SEMA5A: variants seen among roughly 807,000 people sequenced by gnomAD.
The protein encoded by SEMA5A is semaphorin-5A.
Under a neutral mutation model 135.5 loss-of-function variants are expected in SEMA5A, and 55 were observed. The observed-to-expected ratio is 0.41, with a 90% CI of 0.33 to 0.51. SEMA5A has a LOEUF of 0.51. SEMA5A is among the 20% of genes least tolerant of loss of function. The pLI, the probability that SEMA5A is intolerant of heterozygous loss-of-function variation, is 0.37. For missense variants in SEMA5A, 1,290 were observed against 1,419.9 expected (o/e 0.91, Z 1.47); for synonymous variants, 580 against 546.5 (o/e 1.06, Z -0.85).
intron 1 of SEMA5A, among the ~76,000 whole-genome samples, chr5:9,527,167 T>C (rs1191438496): frequency 6.6e-6 from 1 of 151,984 alleles, no homozygotes; most frequent in Non-Finnish European, 1.5e-5. Context: ...ACTTACCAGG[T>C]CCCGAGTGTG....
chr5:9,235,840 G>T (rs552388308), intron 6 of SEMA5A, among the ~76,000 whole-genome samples: 3 of 152,292 alleles, frequency 2.0e-5, no homozygotes, highest in African/African-American at 7.2e-5. Flanking sequence ...GGAGAGCTAG[G>T]TCACTGTATT....
chr5:9,285,417 C>T (rs1247441686), intron 5 of SEMA5A, among the ~76,000 whole-genome samples: 2 of 152,128 alleles, frequency 1.3e-5, no homozygotes, highest in African/African-American at 4.8e-5. Flanking sequence ...TTTGAAAGAA[C>T]AAAAATGCCT....
At chr5:9,263,417 C>T (rs543330377) in intron 5 of SEMA5A, among the ~76,000 whole-genome samples, 1 of 152,308 alleles carries the variant, frequency 6.6e-6, no homozygotes, top group South Asian at 2.1e-4. Flanking sequence ...GTGAACTGCG[C>T]ACTGCAGTGA....
chr5:9,523,888 C>T (rs1286600943), intron 1 of SEMA5A, among the ~76,000 whole-genome samples: 1 of 152,132 alleles, frequency 6.6e-6, no homozygotes, highest in Non-Finnish European at 1.5e-5. Context: ...CACTTAGAAC[C>T]TCAGTGTTAT....
chr5:9,323,399 A>G (rs1219639620), intron 4 of SEMA5A, among the ~76,000 whole-genome samples: 1 of 152,158 alleles, frequency 6.6e-6, no homozygotes, highest in African/African-American at 2.4e-5. Context: ...CTCAACATAT[A>G]AAATAGATAC....
chr5:9,521,021 T>C (rs1736796748), intron 1 of SEMA5A, among the ~76,000 whole-genome samples: 1 of 152,218 alleles, frequency 6.6e-6, no homozygotes, highest in African/African-American at 2.4e-5. Flanking sequence ...TACACACAAG[T>C]GCAAGGCGTT....
At chr5:9,463,900 G>C (rs1220675411) in intron 1 of SEMA5A, among the ~76,000 whole-genome samples, 1 of 152,166 alleles carries the variant, frequency 6.6e-6, no homozygotes, top group East Asian at 1.9e-4. Flanking sequence ...TGGCTTTGGG[G>C]GAACATTATC....
intron 18 of SEMA5A, among the ~76,000 whole-genome samples, chr5:9,061,619 CAG>C (rs1737187707): frequency 6.6e-6 from 1 of 152,096 alleles, no homozygotes; most frequent in South Asian, 2.1e-4. Context: ...AAGGCAGAAA[CAG>C]GGGCTTGAAT....
intron 1 of SEMA5A, among the ~76,000 whole-genome samples, chr5:9,473,711 G>A (rs532415933): frequency 6.6e-6 from 1 of 152,000 alleles, no homozygotes; most frequent in South Asian, 2.1e-4. Flanking sequence ...GGTGTGCATG[G>A]CCATGGGTGG....
chr5:9,280,724 TG>T, intron 5 of SEMA5A: 1 of 261,700 alleles, frequency 3.8e-6, no homozygotes, highest in Non-Finnish European at 8.0e-6. Context: ...AATTTTTACA[TG>T]GAGGACTCTC....
At chr5:9,294,870 C>T (rs1751254606) in intron 5 of SEMA5A, among the ~76,000 whole-genome samples, 1 of 152,164 alleles carries the variant, frequency 6.6e-6, no homozygotes, top group African/African-American at 2.4e-5. Flanking sequence ...TCATCCCTCC[C>T]CTCCTTCTCT....
chr5:9,427,219 G>C (rs1161710823), intron 2 of SEMA5A, among the ~76,000 whole-genome samples: 2 of 152,120 alleles, frequency 1.3e-5, no homozygotes, highest in African/African-American at 2.4e-5. Flanking sequence ...GGTGAGGCAG[G>C]AGAATCTCTT....
chr5:9,083,037 A>G (rs1033772477), intron 16 of SEMA5A, among the ~76,000 whole-genome samples: 7 of 152,230 alleles, frequency 4.6e-5, no homozygotes, highest in African/African-American at 1.4e-4. Flanking sequence ...GTAAATAAGT[A>G]GTTAAGATTT....
At chr5:9,154,062 A>AAATAT (rs1159261162) in intron 12 of SEMA5A, among the ~76,000 whole-genome samples, 1 of 68,296 alleles carries the variant, frequency 1.5e-5, no homozygotes, top group Non-Finnish European at 3.1e-5. Flanking sequence ...AAAAAAAAAA[A>AAATAT]ATATATATAT....
In SEMA5A at chr5:9,104,306, G is replaced by A. The variant is rs544762341; in HGVS notation, c.2073+3834C>T. ...TTACTCTTAGTGCAGTGCATGGCAT[G>A]TAGTAGGCACTCAACAAAAGTTATT... On this transcript the variant is annotated intron_variant, in intron 16 of 22. Transcript: ENST00000382496. Among the ~76,000 whole-genome samples the A allele has an allele frequency of 3.5e-4, 54 of 152,318 alleles. 1 individual carries two copies. Among genetic ancestry groups the A allele is most frequent in the African/African-American group, 1.1e-3 (44 of 41,578 alleles).
intron 4 of SEMA5A, among the ~76,000 whole-genome samples, chr5:9,334,768 G>C (rs1375291419): frequency 1.3e-5 from 2 of 152,014 alleles, no homozygotes; most frequent in Non-Finnish European, 2.9e-5. Context: ...CCATGCTCCC[G>C]GGGTCACCAA....
intron 18 of SEMA5A, among the ~76,000 whole-genome samples, chr5:9,055,397 T>C (rs143064166): frequency 1.3e-3 from 191 of 152,328 alleles, no homozygotes; most frequent in Middle Eastern, 3.4e-3. Context: ...TATTGCTGTA[T>C]GTAGACAGTA....
At chr5:9,302,207 C>A (rs930442151) in intron 5 of SEMA5A, among the ~76,000 whole-genome samples, 3 of 152,158 alleles carry the variant, frequency 2.0e-5, no homozygotes, top group Admixed American at 2.0e-4. Flanking sequence ...AATATAATCA[C>A]ATCTTTGCCA....
intron 5 of SEMA5A, chr5:9,265,492 C>A (rs547905666): frequency 2.2e-6 from 1 of 456,368 alleles, no homozygotes; most frequent in Non-Finnish European, 4.4e-6. Flanking sequence ...TCTTCTGCCG[C>A]GGGACTCCCA....
Sources: allele counts gnomAD v4.1 joint callset (sites outside exome capture counted in the v4.1 genomes callset), GRCh38; gene constraint gnomAD v4.1.1; transcripts MANE v1.5; gene names NCBI Gene and HGNC (gene_info 2026-07-23, HGNC 2026-07-21).